Variants in RUSC2 observed in about 807,000 individuals in gnomAD.
RUSC2 encodes the protein AP-4 complex accessory subunit RUSC2.
In RUSC2, 34 loss-of-function variants were observed where a neutral mutation model predicts 122.2. The ratio of observed to expected loss-of-function variants is 0.28; its 90% confidence interval spans 0.21 to 0.37. The LOEUF is 0.37. Ranked by LOEUF, RUSC2 falls within the 10% of genes least tolerant of loss-of-function variation. The probability of loss-of-function intolerance (pLI) is 1.00; values close to 1 mark genes in which losing one functional copy is unlikely to be tolerated. For missense variants in RUSC2, 1,747 were observed against 1,952.4 expected (o/e 0.89, Z 1.98); for synonymous variants, 784 against 790.0 (o/e 0.99, Z 0.13).
intron 1 of RUSC2, among the ~76,000 whole-genome samples, chr9:35,513,632 C>G (rs181455929): frequency 6.6e-6 from 1 of 152,038 alleles, no homozygotes; most frequent in East Asian, 1.9e-4. Context: ...TCTGACACAT[C>G]TTTTTGTGTT....
At position 35,555,176 on chromosome 9, in the gene RUSC2, C is replaced by G; in HGVS notation, c.2131C>G (p.Arg711Gly). The change falls in exon 3 of 12, where the codon CGG becomes GGG. Residue 711 changes from arginine to glycine, a missense_variant. Transcript: ENST00000361226. This position sits in a 1 kb window ranked among gnomAD's most constrained non-coding sequence, Gnocchi z 4.6. ...CTTCCCCAAGCAGCTGGCCAAGGCC[C>G]GGGCCCTCCACAGCCTTTCCCAGCT... is the stretch of plus-strand genomic sequence containing the variant. Reference protein sequence around the residue: ...HHFPKQLAKARALHSLSQLYS... With the variant: ...HHFPKQLAKAGALHSLSQLYS... 1.2e-6 allele frequency: 2 copies of G among 1,613,728 alleles called. No individual in the cohort carries two copies. Among genetic ancestry groups the G allele is most frequent in the Non-Finnish European group, 8.5e-7 (1 of 1,180,034 alleles).
intron 1 of RUSC2, among the ~76,000 whole-genome samples, chr9:35,506,765 A>G (rs757278164): frequency 1.3e-5 from 2 of 152,192 alleles, no homozygotes; most frequent in Non-Finnish European, 2.9e-5. Flanking sequence ...TCTGTGATCC[A>G]AGCTGAACAT....
At chr9:35,514,776 T>A (rs1207667748) in intron 1 of RUSC2, among the ~76,000 whole-genome samples, 1 of 152,116 alleles carries the variant, frequency 6.6e-6, no homozygotes. Flanking sequence ...CTTTCCAGTT[T>A]TTTGCTCGGC....
intron 1 of RUSC2, among the ~76,000 whole-genome samples, chr9:35,545,102 C>T (rs1475219082): frequency 6.6e-6 from 1 of 152,142 alleles, no homozygotes; most frequent in Non-Finnish European, 1.5e-5. Context: ...ATTTTTTATG[C>T]ATTGTTTGTT....
At position 35,561,038 on chromosome 9, in the gene RUSC2, A is replaced by C. The variant is rs1822150842; in HGVS notation, c.4290A>C (p.Pro1430=). ...AGACAGTGGGTTCCCGCCGGGAGCC[A>C]GAGCCCAAGGAGAGCCTGCAGGAGC... ...VAQTVGSRRE[P]EPKESLQEPH... Residue 1430 remains proline, a synonymous_variant, in exon 11 of 12, where the codon CCA becomes CCC. Coordinates refer to ENST00000361226, the MANE Select transcript of RUSC2 (RefSeq NM_014806.5). The C allele has an allele frequency of 6.2e-7, 1 of 1,614,086 alleles. No individual in the cohort carries two copies. Among genetic ancestry groups the C allele is most frequent in the African/African-American group, 1.3e-5 (1 of 74,956 alleles).
At position 35,556,421 on chromosome 9, in the gene RUSC2, A is replaced by C. The variant is rs1444119314; in HGVS notation, c.2956A>C (p.Ile986Leu). 1 of 1,614,104 alleles carries C rather than the reference A, an allele frequency of 6.2e-7. No individual in the cohort carries two copies. The highest frequency in any genetic ancestry group is 1.7e-5 in the Admixed American group (1 of 60,016). The change falls in exon 5 of 12, where the codon ATT (isoleucine) becomes CTT (leucine). Residue 986 changes from isoleucine (I) to leucine (L), a missense_variant. Transcript: ENST00000361226. ...CLSPDGSSEA[I>L]SIDLLQKKGL... ...GTCCCCAGATGGCAGCTCAGAGGCC[A>C]TTTCCATTGACCTGCTTCAGAAAAA...
chr9:35,505,986 G>C (rs775682345), intron 1 of RUSC2, among the ~76,000 whole-genome samples: 19 of 152,080 alleles, frequency 1.2e-4, no homozygotes, highest in Non-Finnish European at 2.5e-4. Flanking sequence ...GGAAATTCTA[G>C]TCATAACAAT....
Position 35,534,419 on chromosome 9 carries a change from TACACACACACACAC to T in RUSC2, c.-92-11985_-92-11972del, listed in dbSNP as rs55836338. 2.6e-4 allele frequency among the ~76,000 whole-genome samples: 36 copies of T among 141,022 alleles called. 1 individual carries two copies. In the South Asian group the frequency reaches 3.8e-3, roughly 15 times the overall value. The allele number at this position is 141,022 out of a possible 152,430, so 92.5% of individuals were successfully genotyped here. A position where few individuals can be genotyped will look rare whatever the true frequency, so the allele number is the denominator to read the frequency against. ...GTGAGACCCCCATCTCTACAAATAA[TACACACACACACAC>T]ACACACACACACACACACACACACA... On this transcript the variant is annotated intron_variant, in intron 1 of 11. Coordinates refer to ENST00000361226, the MANE Select transcript of RUSC2 (RefSeq NM_014806.5).
rs1215616456 is a variant in RUSC2, at chr9:35,558,158, C to T, written c.3061-39C>T. The T allele has an allele frequency of 6.2e-7, 1 of 1,604,496 alleles. No individual in the cohort carries two copies. Among genetic ancestry groups the T allele is most frequent in the Admixed American group, 1.7e-5 (1 of 59,870 alleles). Reference sequence around the variant, plus strand: ...CTGCTACGAGAGGACCACAGTCAGGCCTGAGGGGGTTTCCTGCACTTCCCT... The same window carrying T: ...CTGCTACGAGAGGACCACAGTCAGGTCTGAGGGGGTTTCCTGCACTTCCCT... On this transcript the variant is annotated intron_variant, in intron 6 of 11. Coordinates refer to ENST00000361226, the MANE Select transcript of RUSC2 (RefSeq NM_014806.5). The surrounding 1 kb of genome is among the most constrained non-coding windows in gnomAD (Gnocchi z 4.3).
chr9:35,529,002 G>C lies in RUSC2; in HGVS notation c.-92-17428G>C, dbSNP rs139469617. Reference sequence around the variant, plus strand: ...ATAAATTAGCTTAAAAGCCTTTTTCGATACCATTGAATATACCTTGTATAC... The same window carrying C: ...ATAAATTAGCTTAAAAGCCTTTTTCCATACCATTGAATATACCTTGTATAC... On this transcript the variant is annotated intron_variant, in intron 1 of 11. Transcript: ENST00000361226. Among the ~76,000 whole-genome samples the C allele has an allele frequency of 8.4e-3, 1,280 of 152,026 alleles. 10 individuals carry two copies. Among genetic ancestry groups the C allele is most frequent in the Non-Finnish European group, 0.012 (794 of 67,972 alleles).
chr9:35,517,800 G>A (rs1403582899), intron 1 of RUSC2, among the ~76,000 whole-genome samples: 4 of 152,160 alleles, frequency 2.6e-5, no homozygotes, highest in South Asian at 2.1e-4. Context: ...GCCTGCATGC[G>A]TGGATGACCA....
chr9:35,560,474 C>G lies in RUSC2; in HGVS notation c.3834C>G (p.Ser1278=), dbSNP rs1384673771. ...GGTGGTACCAGCTCATGCAGAGCTCCCAGGTCTACATCGATGGCTCCATTG... is the reference window on the plus strand; with the variant it reads ...GGTGGTACCAGCTCATGCAGAGCTCGCAGGTCTACATCGATGGCTCCATTG... The part of the protein sequence containing the change: ...AGWWYQLMQS[S]QVYIDGSIEG... Residue 1278 remains serine (S), a synonymous_variant, in exon 10 of 12, where the codon TCC becomes TCG. Transcript: ENST00000361226. The G allele has an allele frequency of 6.2e-7, 1 of 1,614,200 alleles. No individual in the cohort carries two copies. Among genetic ancestry groups the G allele is most frequent in the South Asian group, 1.1e-5 (1 of 91,084 alleles).
chr9:35,532,597 A>G (rs927347861), intron 1 of RUSC2, among the ~76,000 whole-genome samples: 5 of 151,638 alleles, frequency 3.3e-5, no homozygotes, highest in Admixed American at 2.0e-4. Flanking sequence ...CCACAAAAAT[A>G]TAGCTGGGTG....
At position 35,558,210 on chromosome 9, in the gene RUSC2, A is replaced by G; in HGVS notation, c.3074A>G (p.Asn1025Ser). ...RDPGVKAKLG[N>S]SSVSPNVGHL... is the part of the protein sequence containing the mutation. ...CCACACCTACAGGCAAAGCTGGGAA[A>G]CAGTTCTGTGAGCCCCAATGTGGGC... The change falls in exon 7 of 12, where the codon AAC becomes AGC. Residue 1025 changes from asparagine (N) to serine (S), a missense_variant. Coordinates refer to ENST00000361226, the MANE Select transcript of RUSC2 (RefSeq NM_014806.5). The surrounding 1 kb of genome is among the most constrained non-coding windows in gnomAD (Gnocchi z 4.3). The G allele has an allele frequency of 6.2e-7, 1 of 1,613,420 alleles. No homozygotes were observed. The highest frequency in any genetic ancestry group is 1.1e-5 in the South Asian group (1 of 91,082).
chr9:35,524,306 C>T (rs1293651568), intron 1 of RUSC2, among the ~76,000 whole-genome samples: 1 of 152,084 alleles, frequency 6.6e-6, no homozygotes, highest in Non-Finnish European at 1.5e-5. Flanking sequence ...GCCTCAAAAA[C>T]ACAAAACAAA....
Position 35,547,840 on chromosome 9 carries a change from G to C in RUSC2, c.1319G>C (p.Ser440Thr), listed in dbSNP as rs1262307815. 1.9e-6 allele frequency: 3 copies of C among 1,614,002 alleles called. No homozygotes were observed. The highest frequency in any genetic ancestry group is 2.5e-6 in the Non-Finnish European group (3 of 1,180,044). The change falls in exon 2 of 12, where the codon AGC (serine) becomes ACC (threonine). Residue 440 changes from serine (S) to threonine (T), a missense_variant. By Grantham distance (58) the Ser-to-Thr change is moderately conservative. Coordinates refer to ENST00000361226, the MANE Select transcript of RUSC2 (RefSeq NM_014806.5). The surrounding 1 kb of genome is among the most constrained non-coding windows in gnomAD (Gnocchi z 4.6). ...GGCCCTGGCCCAGACCCAGGCCCCAGCCAGCCCTCTGAGTATTACCTATTC... is the reference window on the plus strand; with the variant it reads ...GGCCCTGGCCCAGACCCAGGCCCCACCCAGCCCTCTGAGTATTACCTATTC... ...PPGPGPDPGP[S>T]QPSEYYLFQK... is the part of the protein sequence containing the mutation.
intron 2 of RUSC2, among the ~76,000 whole-genome samples, chr9:35,554,044 A>C (rs1251594388): frequency 6.6e-6 from 1 of 152,230 alleles, no homozygotes; most frequent in African/African-American, 2.4e-5. Context: ...CTAATATGTC[A>C]AGTAAGAGAA....
intron 1 of RUSC2, among the ~76,000 whole-genome samples, chr9:35,506,016 G>T (rs1345103549): frequency 1.3e-5 from 2 of 152,144 alleles, no homozygotes; most frequent in Non-Finnish European, 2.9e-5. Context: ...AAAATAAAAG[G>T]TATCCAGATT....
chr9:35,491,805 C>T (rs186411067), intron 1 of RUSC2, among the ~76,000 whole-genome samples: 4 of 152,240 alleles, frequency 2.6e-5, no homozygotes, highest in Admixed American at 2.0e-4. Flanking sequence ...CAAAAATTAC[C>T]GGGCATGGTG....
Sources: gnomAD v4.1 joint callset for allele counts (sites outside exome capture counted in the v4.1 genomes callset) on GRCh38, gnomAD v4.1.1 for gene constraint, Gnocchi (gnomAD v3.1) non-coding constraint, MANE v1.5 for transcripts, NCBI Gene and HGNC (gene_info 2026-07-23, HGNC 2026-07-21) for gene names.